Variants in TESC observed in about 807,000 individuals in gnomAD.
The protein encoded by TESC is tescalcin.
In TESC, 19 loss-of-function variants were observed where a neutral mutation model predicts 31.0. The observed-to-expected ratio is 0.61, with a 90% confidence interval of 0.43 to 0.90. TESC has a LOEUF of 0.90. Among genes scored for constraint, TESC ranks in the 40% least tolerant of loss-of-function variants. The pLI is 0.00. For missense variants in TESC, 248 were observed against 303.8 expected (o/e 0.82, Z 1.36); for synonymous variants, 109 against 114.8 (o/e 0.95, Z 0.32).
At chr12:117,095,506 G>A (rs1257128880) in intron 1 of TESC, among the ~76,000 whole-genome samples, 1 of 152,196 alleles carries the variant, frequency 6.6e-6, no homozygotes, top group Non-Finnish European at 1.5e-5. Context: ...AAAAATACGG[G>A]AGTCTTTTCC....
intron 4 of TESC, among the ~76,000 whole-genome samples, chr12:117,047,065 G>A (rs575764735): frequency 1.3e-5 from 2 of 152,338 alleles, no homozygotes; most frequent in East Asian, 3.9e-4. Flanking sequence ...TGTGAAATGG[G>A]AATAACAACA....
intron 3 of TESC, among the ~76,000 whole-genome samples, chr12:117,055,019 C>T (rs1186709473): frequency 6.6e-6 from 1 of 152,156 alleles, no homozygotes; most frequent in Admixed American, 6.5e-5. Flanking sequence ...CACTGAGGCT[C>T]GAGCTCTGGC....
intron 3 of TESC, among the ~76,000 whole-genome samples, chr12:117,056,351 C>A (rs1383218496): frequency 1.4e-5 from 2 of 138,856 alleles, no homozygotes; most frequent in Non-Finnish European, 3.0e-5. Flanking sequence ...GCCACTGTGC[C>A]CAGCCTTAAA....
intron 2 of TESC, among the ~76,000 whole-genome samples, chr12:117,074,230 T>C (rs1361087300): frequency 6.6e-6 from 1 of 151,880 alleles, no homozygotes; most frequent in Non-Finnish European, 1.5e-5. Flanking sequence ...TACCTGGGTG[T>C]GATGGCACAT....
At chr12:117,059,978 C>T (rs575958648) in intron 2 of TESC, among the ~76,000 whole-genome samples, 5 of 152,138 alleles carry the variant, frequency 3.3e-5, no homozygotes, top group East Asian at 3.9e-4. Context: ...AAATGGTGTA[C>T]GATGCCATTT....
chr12:117,098,444 C>G (rs1955423937), intron 1 of TESC: 1 of 152,394 alleles, frequency 6.6e-6, no homozygotes, highest in Non-Finnish European at 1.5e-5. Context: ...AGAGGCAGAA[C>G]TGGCCATGCC....
At chr12:117,055,609 C>T (rs766073987) in intron 3 of TESC, among the ~76,000 whole-genome samples, 3 of 152,184 alleles carry the variant, frequency 2.0e-5, no homozygotes, top group Non-Finnish European at 4.4e-5. Flanking sequence ...GTGTCACTTC[C>T]GAGATTCAGT....
At chr12:117,044,624 G>A (rs549768950) in intron 6 of TESC, among the ~76,000 whole-genome samples, 139 of 152,306 alleles carry the variant, frequency 9.1e-4, no homozygotes, top group African/African-American at 3.1e-3. Context: ...ACAGGCCGGC[G>A]CGACGGCTCA....
rs539521000 is a variant in TESC, at chr12:117,046,565, C to T, written c.513G>A (p.Gly171=). The T allele has an allele frequency of 2.6e-6, 4 of 1,550,426 alleles. No individual in the cohort carries two copies. The highest frequency in any genetic ancestry group is 3.5e-6 in the Non-Finnish European group (4 of 1,146,684). The change falls in exon 6 of 8, where the codon GGG becomes GGA. Residue 171 remains glycine (G), a synonymous_variant. Coordinates refer to ENST00000335209, the MANE Select transcript of TESC (RefSeq NM_017899.4). ...AMMEAASVCM[G]QMEPDQVYEG... The stretch of plus-strand genomic sequence containing the variant: ...GGGCTGCAGGGGCGCTCACCATCTG[C>T]CCCATGCACACGCTGGCCGCCTCCA...
rs116273414 is a variant in TESC at position 117,074,094 on chromosome 12, G to A, written c.128+1177C>T. 7.0e-4 allele frequency among the ~76,000 whole-genome samples: 106 copies of A among 152,034 alleles called. 1 individual carries two copies. The highest frequency in any genetic ancestry group is 2.4e-3 in the African/African-American group (99 of 41,470). On this transcript the variant is annotated intron_variant, in intron 2 of 7. Transcript: ENST00000335209. Reference sequence around the variant, plus strand: ...TTAAAAAATTAGCTGGTGTGGTGGTGCATGGCTGTAGTCCCAGCACTTTGG... The same window carrying A: ...TTAAAAAATTAGCTGGTGTGGTGGTACATGGCTGTAGTCCCAGCACTTTGG...
intron 2 of TESC, among the ~76,000 whole-genome samples, chr12:117,057,613 C>G (rs187691390): frequency 6.6e-6 from 1 of 152,116 alleles, no homozygotes; most frequent in Non-Finnish European, 1.5e-5. Context: ...TATTGACAAC[C>G]CAGCAACTCC....
rs1347282302 is a variant in TESC at position 117,048,879 on chromosome 12, G to C, written c.349+140C>G. Reference sequence around the variant, plus strand: ...AGCAATGCCAGCCTCACAGGGACGAGGGCTGGTGGCCCCAAGCCCTCCAAG... The same window carrying C: ...AGCAATGCCAGCCTCACAGGGACGACGGCTGGTGGCCCCAAGCCCTCCAAG... On this transcript the variant is annotated intron_variant, in intron 4 of 7. Transcript: ENST00000335209. The C allele has an allele frequency of 2.3e-6, 3 of 1,329,168 alleles. No homozygotes were observed. The Admixed American group carries it at 5.8e-5, about 26-fold the overall frequency. 82.3% of individuals were successfully genotyped at this position (1,329,168 alleles called of 1,614,324 possible).
chr12:117,090,780 C>T (rs765959336), intron 1 of TESC, among the ~76,000 whole-genome samples: 24 of 152,314 alleles, frequency 1.6e-4, no homozygotes, highest in Non-Finnish European at 2.9e-4. Context: ...GTGGGTGAGG[C>T]CTGCAAAGTG....
chr12:117,043,068 C>T (rs576611865), intron 6 of TESC, among the ~76,000 whole-genome samples: 2 of 151,966 alleles, frequency 1.3e-5, no homozygotes, highest in South Asian at 4.2e-4. Context: ...AAAACAAAAC[C>T]CAACAAGCAG....
intron 6 of TESC, among the ~76,000 whole-genome samples, chr12:117,042,808 G>C (rs768123436): frequency 1.3e-5 from 2 of 152,132 alleles, no homozygotes; most frequent in Non-Finnish European, 2.9e-5. Flanking sequence ...AGAAGGCGAG[G>C]GACATAAATC....
chr12:117,061,650 G>GCT (rs149959116), intron 2 of TESC, among the ~76,000 whole-genome samples: 3,242 of 150,676 alleles, frequency 0.022, 114 homozygotes, highest in African/African-American at 0.072. Context: ...CGCTGCCTCT[G>GCT]CTCTCTCTCT....
chr12:117,077,689 A>T (rs1229578660), intron 1 of TESC, among the ~76,000 whole-genome samples: 1 of 152,174 alleles, frequency 6.6e-6, no homozygotes, highest in Non-Finnish European at 1.5e-5. Context: ...AACAGGCAAA[A>T]CTCAACTACA....
chr12:117,051,052 G>A (rs1251271313), intron 3 of TESC, among the ~76,000 whole-genome samples: 1 of 152,190 alleles, frequency 6.6e-6, no homozygotes, highest in Non-Finnish European at 1.5e-5. Context: ...GCTGTCATAT[G>A]GCTGGCAAGC....
intron 6 of TESC, among the ~76,000 whole-genome samples, chr12:117,042,896 G>A (rs3782191): frequency 0.47 from 71,286 of 152,042 alleles, 19,817 homozygotes; most frequent in African/African-American, 0.79. Context: ...ACGCTAAGCT[G>A]TGGGAGTTAC....
Sources: allele counts gnomAD v4.1 joint callset (sites outside exome capture counted in the v4.1 genomes callset), GRCh38; gene constraint gnomAD v4.1.1; transcripts MANE v1.5; gene names NCBI Gene and HGNC (gene_info 2026-07-23, HGNC 2026-07-21).